The following PIK3C2G variants were observed in gnomAD, a reference collection of about 807,000 sequenced individuals.
PIK3C2G encodes the protein phosphatidylinositol 3-kinase C2 domain-containing subunit gamma.
In PIK3C2G, 168 loss-of-function variants were observed where a neutral mutation model predicts 181.1. That is an observed-to-expected ratio of 0.93 (90% confidence interval 0.82 to 1.05). The LOEUF is 1.05. Ranked by LOEUF, PIK3C2G falls within the 50% of genes least tolerant of loss-of-function variation. The pLI, the probability that PIK3C2G is intolerant of heterozygous loss-of-function variation, is 0.00. For synonymous variants in PIK3C2G, 573 were observed against 592.2 expected (o/e 0.97, Z 0.47); for missense variants, 1,869 against 1,732.8 (o/e 1.08, Z -1.40).
chr12:18,274,520 G>A (rs1948891789), intron 1 of PIK3C2G, among the ~76,000 whole-genome samples: 1 of 152,098 alleles, frequency 6.6e-6, no homozygotes, highest in Non-Finnish European at 1.5e-5. Flanking sequence ...GGATGAAGCT[G>A]GAAACCATCA....
chr12:18,462,899 C>A (rs1055705174), intron 18 of PIK3C2G, among the ~76,000 whole-genome samples: 15 of 151,998 alleles, frequency 9.9e-5, no homozygotes, highest in Admixed American at 5.2e-4. Context: ...TCCAGCATTG[C>A]ATTCTTTTCA....
chr12:18,292,111 G>A (rs1199190667), intron 4 of PIK3C2G, among the ~76,000 whole-genome samples: 1 of 149,252 alleles, frequency 6.7e-6, no homozygotes, highest in Non-Finnish European at 1.5e-5. Context: ...TCAGGAGGCT[G>A]AGGCAGGAGA....
chr12:18,594,354 C>A lies in PIK3C2G; in HGVS notation c.4012-140C>A, dbSNP rs1002968878. The A allele has an allele frequency of 4.1e-5, 22 of 541,462 alleles. No individual in the cohort carries two copies. In the Admixed American group the frequency reaches 9.2e-4, roughly 23 times the overall value. 33.5% of individuals were successfully genotyped at this position (541,462 alleles called of 1,614,324 possible). A position where few individuals can be genotyped will look rare whatever the true frequency, so the allele number is the denominator to read the frequency against. Reference sequence around the variant, plus strand: ...GATAGCACTGACTTAATTAACCTTTCTAATATACTTTCTCTCTATTTGTAG... The same window carrying A: ...GATAGCACTGACTTAATTAACCTTTATAATATACTTTCTCTCTATTTGTAG... On this transcript the variant is annotated intron_variant, in intron 29 of 32. Transcript: ENST00000538779.
At chr12:18,684,098 T>C in the PIK3C2G span, 6 of 1,606,308 alleles carry the variant, frequency 3.7e-6, no homozygotes, top group African/African-American at 8.0e-5. Flanking sequence ...ATTTAAATGC[T>C]GGTACAATCA....
chr12:18,308,124 A>G (rs920316759), intron 5 of PIK3C2G, among the ~76,000 whole-genome samples: 4 of 152,038 alleles, frequency 2.6e-5, no homozygotes, highest in Non-Finnish European at 5.9e-5. Context: ...GCTCTATATC[A>G]TTAAACACAA....
At chr12:18,659,728 G>A in the PIK3C2G span, among the ~76,000 whole-genome samples, 1 of 145,472 alleles carries the variant, frequency 6.9e-6, no homozygotes, top group African/African-American at 2.6e-5. Flanking sequence ...CAACGTGCAG[G>A]TTTGTTAAAT....
In PIK3C2G at chr12:18,418,406, G is replaced by A. The variant is rs76939045; in HGVS notation, c.2316-2535G>A. On this transcript the variant is annotated intron_variant, in intron 16 of 32. Transcript: ENST00000538779. ...TTTTCAGAGTAGAATATATCAATGA[G>A]CCAGACTGGTTCAGTGAATATTAAT... 7.4e-3 allele frequency among the ~76,000 whole-genome samples: 1,133 copies of A among 152,216 alleles called. 15 individuals carry two copies. The highest frequency in any genetic ancestry group is 0.026 in the African/African-American group (1,097 of 41,522).
intron 11 of PIK3C2G, among the ~76,000 whole-genome samples, chr12:18,351,556 C>A (rs975962408): frequency 6.6e-6 from 1 of 152,146 alleles, no homozygotes; most frequent in African/African-American, 2.4e-5. Context: ...ATTAACTGAG[C>A]ACATTCTGTG....
In PIK3C2G at chr12:18,365,891, CAAAATCCTT is replaced by C. The variant is rs1348028281; in HGVS notation, c.1748+3007_1748+3015del. ...CAATTCTAATTCTGGTTGTTCAGATCAAAATCCTTAGCCTGAATCTCGTTTCAGACCCTA... is the reference window on the plus strand; with the variant it reads ...CAATTCTAATTCTGGTTGTTCAGATCAGCCTGAATCTCGTTTCAGACCCTA... On this transcript the variant is annotated intron_variant, in intron 12 of 32. Coordinates refer to ENST00000538779, the MANE Select transcript of PIK3C2G (RefSeq NM_001288772.2). 7.9e-5 allele frequency among the ~76,000 whole-genome samples: 12 copies of C among 152,262 alleles called. No individual in the cohort carries two copies. The South Asian group carries it at 2.5e-3, about 32-fold the overall frequency.
the PIK3C2G span, among the ~76,000 whole-genome samples, chr12:18,692,164 A>G: frequency 6.6e-6 from 1 of 152,156 alleles, no homozygotes; most frequent in Non-Finnish European, 1.5e-5. Flanking sequence ...GAGCTTCACT[A>G]AGTAATGACA....
chr12:18,653,701 T>C, the PIK3C2G span, among the ~76,000 whole-genome samples: 1 of 152,170 alleles, frequency 6.6e-6, no homozygotes, highest in Non-Finnish European at 1.5e-5. Flanking sequence ...TGGTGTTAAG[T>C]AGACTCTGAG....
At chr12:18,391,577 G>C (rs1386331797) in intron 15 of PIK3C2G, among the ~76,000 whole-genome samples, 1 of 152,092 alleles carries the variant, frequency 6.6e-6, no homozygotes, top group Non-Finnish European at 1.5e-5. Flanking sequence ...CCTTCCAGGA[G>C]GTAGAAAGTT....
the PIK3C2G span, among the ~76,000 whole-genome samples, chr12:18,667,053 C>T: frequency 6.6e-6 from 1 of 152,036 alleles, no homozygotes; most frequent in East Asian, 1.9e-4. Context: ...CAGAGTGCAT[C>T]CTCAATGCAT....
intron 24 of PIK3C2G, 82 bp from the exon 25 acceptor site, chr12:18,538,074 A>T: frequency 7.5e-7 from 1 of 1,330,676 alleles, no homozygotes; most frequent in Non-Finnish European, 1.0e-6. Context: ...ATTCAAATGA[A>T]AATAAGTCGT....
At chr12:18,405,329 T>A (rs992221955) in intron 16 of PIK3C2G, among the ~76,000 whole-genome samples, 5 of 152,170 alleles carry the variant, frequency 3.3e-5, no homozygotes, top group Non-Finnish European at 7.3e-5. Context: ...TGACAAGTAC[T>A]GTGTGTAGCT....
chr12:18,556,790 A>G (rs1011659853), intron 26 of PIK3C2G, among the ~76,000 whole-genome samples: 1 of 152,170 alleles, frequency 6.6e-6, no homozygotes, highest in African/African-American at 2.4e-5. Context: ...TGCAAACAAC[A>G]TCTTTAGAAA....
At chr12:18,665,212 C>T in the PIK3C2G span, among the ~76,000 whole-genome samples, 1 of 151,224 alleles carries the variant, frequency 6.6e-6, no homozygotes, top group South Asian at 2.1e-4. Flanking sequence ...ATGGTGGTTG[C>T]CAGGGACTGG....
chr12:18,317,045 G>A (rs1246010685), intron 6 of PIK3C2G, among the ~76,000 whole-genome samples: 55 of 132,266 alleles, frequency 4.2e-4, no homozygotes, highest in African/African-American at 1.5e-3. Context: ...ACGGAGTCTC[G>A]CTCTGTTGCC....
chr12:18,714,915 G>A, the PIK3C2G span: 2 of 151,998 alleles, frequency 1.3e-5, no homozygotes, highest in Non-Finnish European at 1.5e-5. Context: ...GGAGAAGGGA[G>A]TGTCGTCCCA....
Sources: allele counts gnomAD v4.1 joint callset (sites outside exome capture counted in the v4.1 genomes callset), GRCh38; gene constraint gnomAD v4.1.1; transcripts MANE v1.5; gene names NCBI Gene and HGNC (gene_info 2026-07-23, HGNC 2026-07-21).